Variants in GLYATL3 observed in about 807,000 individuals in gnomAD.
GLYATL3 encodes the protein glycine-N-acyltransferase like 3.
In GLYATL3, 31 loss-of-function variants were observed where a neutral mutation model predicts 28.5. That is an observed-to-expected ratio of 1.09 (90% CI 0.82 to 1.47). The LOEUF (loss-of-function observed/expected upper bound fraction) is 1.47. Ranked by LOEUF, GLYATL3 falls within the 40% of genes most tolerant of loss-of-function variation. The pLI is 0.00. For synonymous variants in GLYATL3, 141 were observed against 140.2 expected, an observed-to-expected ratio of 1.01 and a Z score of -0.04; for missense variants, 369 against 351.5, an observed-to-expected ratio of 1.05 and a Z score of -0.40.
In GLYATL3 at chr6:49,513,170, GA is replaced by G. The variant is rs1295338294; in HGVS notation, c.78+1106del. ...GGTGTTAGAGAATTAAAATATTAAA[GA>G]AAATACAGTTTCATTTATTTAAACT... On this transcript the variant is annotated intron_variant, in intron 2 of 5. Coordinates refer to ENST00000371197, the MANE Select transcript of GLYATL3 (RefSeq NM_001010904.2). Among the ~76,000 whole-genome samples, 19 of 152,104 alleles carry G rather than the reference GA, an allele frequency of 1.2e-4. 1 individual carries two copies. The highest frequency in any genetic ancestry group is 9.8e-4 in the Admixed American group (15 of 15,282).
chr6:49,512,347 A>G (rs1421673586), intron 2 of GLYATL3, among the ~76,000 whole-genome samples: 2 of 145,018 alleles, frequency 1.4e-5, no homozygotes, highest in African/African-American at 5.2e-5. Flanking sequence ...GATTTGTTAC[A>G]TAAGTATACA....
intron 1 of GLYATL3, among the ~76,000 whole-genome samples, chr6:49,506,574 G>A (rs941959922): frequency 1.3e-5 from 2 of 152,200 alleles, no homozygotes; most frequent in South Asian, 2.1e-4. Context: ...CAATCATGGA[G>A]GGGGAGGGCA....
At chr6:49,513,383 G>A (rs1769156256) in intron 2 of GLYATL3, among the ~76,000 whole-genome samples, 1 of 152,104 alleles carries the variant, frequency 6.6e-6, no homozygotes, top group African/African-American at 2.4e-5. Context: ...GGAAGAGTTT[G>A]TATTTAACCA....
Position 49,515,663 on chromosome 6 carries a change from C to T in GLYATL3, c.89C>T (p.Ala30Val), listed in dbSNP as rs1165392842. Residue 30 changes from alanine (A) to valine (V), a missense_variant, in exon 3 of 6, where the codon GCG becomes GTG. Coordinates refer to ENST00000371197, the MANE Select transcript of GLYATL3 (RefSeq NM_001010904.2). Reference protein sequence around the residue: ...CFPESLKVYGAVMNINRGNPF... With the variant: ...CFPESLKVYGVVMNINRGNPF... ...GGTTATCTGACTCAGGTTTACGGAG[C>T]GGTGATGAACATAAATCGTGGGAAC... The T allele has an allele frequency of 2.2e-5, 34 of 1,544,546 alleles. No individual in the cohort carries two copies. The highest frequency in any genetic ancestry group is 9.8e-5 in the Admixed American group (5 of 50,948).
At chr6:49,518,475 G>A (rs183052385) in intron 4 of GLYATL3, among the ~76,000 whole-genome samples, 135 of 152,200 alleles carry the variant, frequency 8.9e-4, no homozygotes, top group Non-Finnish European at 1.6e-3. Flanking sequence ...TGAGTTCCTT[G>A]ATCATTTAAC....
At chr6:49,504,616 C>T (rs570162326) in intron 1 of GLYATL3, among the ~76,000 whole-genome samples, 1 of 152,098 alleles carries the variant, frequency 6.6e-6, no homozygotes, top group Admixed American at 6.5e-5. Context: ...CTCCTTATCC[C>T]CCTGTTTTTG....
intron 4 of GLYATL3, among the ~76,000 whole-genome samples, chr6:49,518,580 C>T (rs1268448878): frequency 6.6e-6 from 1 of 152,062 alleles, no homozygotes; most frequent in Non-Finnish European, 1.5e-5. Context: ...AAGCTTCTAT[C>T]CACCTGGAAA....
intron 1 of GLYATL3, among the ~76,000 whole-genome samples, chr6:49,508,999 AT>A (rs1418636837): frequency 7.7e-5 from 8 of 103,650 alleles, no homozygotes; most frequent in African/African-American, 2.3e-4. Flanking sequence ...TAATAAATTA[AT>A]AATAAATAAA....
chr6:49,509,353 T>C (rs1028460354), intron 1 of GLYATL3, among the ~76,000 whole-genome samples: 3 of 152,206 alleles, frequency 2.0e-5, no homozygotes, highest in South Asian at 4.1e-4. Flanking sequence ...ATGTGTTTTG[T>C]TGAAAGACAC....
At chr6:49,524,954 G>A (rs376942848) in intron 5 of GLYATL3, among the ~76,000 whole-genome samples, 160 of 131,334 alleles carry the variant, frequency 1.2e-3, no homozygotes, top group African/African-American at 4.6e-3. Flanking sequence ...GGGCAACAAT[G>A]CGAGACTCCC....
chr6:49,504,443 T>C (rs1473479661), intron 1 of GLYATL3, among the ~76,000 whole-genome samples: 2 of 152,098 alleles, frequency 1.3e-5, no homozygotes, highest in Non-Finnish European at 2.9e-5. Context: ...TTTGACCGTA[T>C]ATTAGATTGA....
At chr6:49,521,907 ATG>A (rs1561980030) in intron 5 of GLYATL3, 136 bp downstream of exon 5, 1 of 709,748 alleles carries the variant, frequency 1.4e-6, no homozygotes, top group Non-Finnish European at 2.3e-6. Context: ...AAACGGGAGT[ATG>A]TGTGTGAGTG....
intron 1 of GLYATL3, among the ~76,000 whole-genome samples, chr6:49,509,476 C>G (rs1370404426): frequency 2.0e-5 from 3 of 152,160 alleles, no homozygotes; most frequent in Non-Finnish European, 4.4e-5. Flanking sequence ...CTTAGAAACA[C>G]CAGTACAACC....
intron 3 of GLYATL3, among the ~76,000 whole-genome samples, chr6:49,517,020 G>A (rs778852330): frequency 2.6e-5 from 4 of 151,116 alleles, no homozygotes; most frequent in Non-Finnish European, 5.9e-5. Context: ...GCTGGGTGTG[G>A]TGGCGTGCAC....
intron 1 of GLYATL3, among the ~76,000 whole-genome samples, chr6:49,506,792 T>C (rs2127431224): frequency 6.6e-6 from 1 of 152,228 alleles, no homozygotes; most frequent in Middle Eastern, 3.4e-3. Context: ...TGGCCACTGC[T>C]CTACCCAAAC....
chr6:49,513,493 G>T (rs1769158292), intron 2 of GLYATL3, among the ~76,000 whole-genome samples: 1 of 152,164 alleles, frequency 6.6e-6, no homozygotes, highest in Non-Finnish European at 1.5e-5. Flanking sequence ...TTAAGATGCT[G>T]AGCATTCCAA....
At chr6:49,505,828 A>G (rs963173519) in intron 1 of GLYATL3, among the ~76,000 whole-genome samples, 1 of 152,206 alleles carries the variant, frequency 6.6e-6, no homozygotes, top group Non-Finnish European at 1.5e-5. Context: ...CCATTCAACT[A>G]GAGAATTATT....
intron 1 of GLYATL3, among the ~76,000 whole-genome samples, chr6:49,501,069 G>A (rs1768903437): frequency 6.6e-6 from 1 of 152,200 alleles, no homozygotes; most frequent in Non-Finnish European, 1.5e-5. Context: ...TAGTCTAGAA[G>A]GGTAAGTTGA....
chr6:49,500,163 G>A (rs1768887029), intron 1 of GLYATL3, 121 bp downstream of exon 1: 2 of 152,188 alleles, frequency 1.3e-5, no homozygotes, highest in Admixed American at 1.3e-4. Context: ...ATTGTAATTA[G>A]GTTTCAAGGA....
Sources: gnomAD v4.1 joint callset for allele counts (sites outside exome capture counted in the v4.1 genomes callset) on GRCh38, gnomAD v4.1.1 for gene constraint, MANE v1.5 for transcripts, NCBI Gene and HGNC (gene_info 2026-07-23, HGNC 2026-07-21) for gene names.